The following ATF7IP variants were observed in gnomAD, a reference collection of about 807,000 sequenced individuals.
ATF7IP encodes the protein activating transcription factor 7 interacting protein, also known as activating transcription factor 7-interacting protein 1.
ATF7IP carries 23 observed loss-of-function variants against 106.4 expected under a neutral mutation model. The observed-to-expected ratio is 0.22, with a 90% CI of 0.16 to 0.31. The LOEUF (loss-of-function observed/expected upper bound fraction) is 0.31, where lower values mean the gene tolerates loss of function less well. Among genes scored for constraint, ATF7IP ranks in the 10% least tolerant of loss-of-function variants. The pLI is 1.00. For missense variants in ATF7IP, 1,334 were observed against 1,524.3 expected (o/e 0.88, Z 2.08); for synonymous variants, 542 against 539.0 (o/e 1.01, Z -0.08).
In ATF7IP at chr12:14,497,639, G is replaced by A. The variant is rs1343984645; in HGVS notation, c.3394-15G>A. On this transcript the variant is annotated splice_polypyrimidine_tract_variant and intron_variant, in intron 14 of 14. Transcript: ENST00000261168. ...TTTTGCAATCATCATTAATCAGTGT[G>A]ACCTGTTTCTTCAGGAGCCCCCACG... The A allele has an allele frequency of 1.2e-6, 2 of 1,606,512 alleles. No individual in the cohort carries two copies. Among genetic ancestry groups the A allele is most frequent in the Admixed American group, 1.7e-5 (1 of 59,366 alleles).
chr12:14,382,597 T>C (rs1198499983), intron 1 of ATF7IP, among the ~76,000 whole-genome samples: 4 of 152,186 alleles, frequency 2.6e-5, no homozygotes, highest in African/African-American at 7.2e-5. Context: ...GTTGACATAT[T>C]AGTTGACTTC....
rs1356164332 is a variant in ATF7IP at position 14,447,159 on chromosome 12, A to G, written c.1995+106A>G. On this transcript the variant is annotated intron_variant, in intron 6 of 14. Transcript: ENST00000261168. ...TATTACAAATCTGAAATTTGCTTTCATACTGTGTACTCCTCTATGTAATTT... is the reference window on the plus strand; with the variant it reads ...TATTACAAATCTGAAATTTGCTTTCGTACTGTGTACTCCTCTATGTAATTT... 3.5e-6 allele frequency: 3 copies of G among 851,622 alleles called. No homozygotes were observed. The Admixed American group carries it at 8.6e-5, about 24-fold the overall frequency. The allele number at this position is 851,622 out of a possible 1,614,324, so 52.8% of individuals were successfully genotyped here. A position where few individuals can be genotyped will look rare whatever the true frequency, so the allele number is the denominator to read the frequency against.
chr12:14,498,264 C>A lies in ATF7IP; in HGVS notation c.*191C>A. The A allele has an allele frequency of 1.8e-6, 1 of 554,482 alleles. No individual in the cohort carries two copies. Among genetic ancestry groups the A allele is most frequent in the Non-Finnish European group, 3.1e-6 (1 of 323,296 alleles). The allele number at this position is 554,482 out of a possible 1,614,324, so 34.3% of individuals were successfully genotyped here. On this transcript the variant is annotated 3_prime_UTR_variant, in exon 15 of 15. Coordinates refer to ENST00000261168, the MANE Select transcript of ATF7IP (RefSeq NM_018179.5). The stretch of plus-strand genomic sequence containing the variant: ...CACAAAGCTAGAATCTTTTCCTGGA[C>A]AGTTTAGGCTTTGGGGTTTGGAAAT...
intron 13 of ATF7IP, among the ~76,000 whole-genome samples, chr12:14,491,982 G>A (rs528781144): frequency 2.0e-5 from 3 of 152,336 alleles, no homozygotes; most frequent in Admixed American, 2.0e-4. Flanking sequence ...GTACCTCCAG[G>A]TATGGGATAT....
At chr12:14,481,448 A>C (rs943223789) in intron 13 of ATF7IP, 89 of 400,808 alleles carry the variant, frequency 2.2e-4, no homozygotes, top group South Asian at 2.1e-3. Context: ...ATGTGAGATC[A>C]TGCATATGTC....
intron 13 of ATF7IP, among the ~76,000 whole-genome samples, chr12:14,494,913 A>C (rs1944963132): frequency 6.9e-6 from 1 of 145,038 alleles, no homozygotes. Context: ...AGCCTGGGCA[A>C]CAGAGCCAGA....
At chr12:14,451,612 CTTG>C (rs1943205763) in intron 6 of ATF7IP, among the ~76,000 whole-genome samples, 1 of 149,756 alleles carries the variant, frequency 6.7e-6, no homozygotes, top group South Asian at 2.1e-4. Context: ...TCTTCTTTGA[CTTG>C]TTGGTTTTTT....
At chr12:14,487,686 T>C (rs1196446006) in intron 13 of ATF7IP, among the ~76,000 whole-genome samples, 1 of 152,192 alleles carries the variant, frequency 6.6e-6, no homozygotes, top group African/African-American at 2.4e-5. Flanking sequence ...TTGTGTCTGT[T>C]TTTCTACAAT....
chr12:14,423,142 A>G (rs1941624386), intron 1 of ATF7IP, among the ~76,000 whole-genome samples: 1 of 152,028 alleles, frequency 6.6e-6, no homozygotes, highest in African/African-American at 2.4e-5. Context: ...ATGTCTCATG[A>G]TGTTTATTGC....
intron 1 of ATF7IP, among the ~76,000 whole-genome samples, chr12:14,399,358 A>G (rs1169085348): frequency 6.6e-6 from 1 of 151,810 alleles, no homozygotes; most frequent in Non-Finnish European, 1.5e-5. Flanking sequence ...TTTAGCTTTC[A>G]GTATTGCTGA....
Position 14,460,596 on chromosome 12 carries a change from C to T in ATF7IP, c.2260C>T (p.Pro754Ser). The T allele has an allele frequency of 6.2e-7, 1 of 1,614,174 alleles. No homozygotes were observed. Among genetic ancestry groups the T allele is most frequent in the Non-Finnish European group, 8.5e-7 (1 of 1,180,030 alleles). ...SGSLTATSVLPAPNTATVVAT... is the reference protein window; with the variant it reads ...SGSLTATSVLSAPNTATVVAT... ...TTCCCTCACAGCAACGTCAGTTCTTCCTGCACCCAATACAGCTACTGTAGT... is the reference window on the plus strand; with the variant it reads ...TTCCCTCACAGCAACGTCAGTTCTTTCTGCACCCAATACAGCTACTGTAGT... The change falls in exon 9 of 15, where the codon CCT becomes TCT. Residue 754 changes from proline to serine, a missense_variant. By Grantham distance (74) the Pro-to-Ser change is moderately conservative. This residue lies in a region of ATF7IP where 171 missense variants were observed against 172.6 expected (regional missense o/e 0.99). Coordinates refer to ENST00000261168, the MANE Select transcript of ATF7IP (RefSeq NM_018179.5).
intron 1 of ATF7IP, among the ~76,000 whole-genome samples, chr12:14,374,358 C>T (rs1010404772): frequency 6.7e-6 from 1 of 149,332 alleles, no homozygotes; most frequent in Non-Finnish European, 1.5e-5. Context: ...AAGCAATCCT[C>T]CCCTCTTGGC....
intron 2 of ATF7IP, among the ~76,000 whole-genome samples, chr12:14,428,954 T>A (rs766768420): frequency 9.2e-5 from 14 of 152,224 alleles, no homozygotes; most frequent in Non-Finnish European, 1.2e-4. Flanking sequence ...AATGATAATC[T>A]GTTTAAAGAG....
At chr12:14,466,868 C>T (rs1037325427) in intron 10 of ATF7IP, among the ~76,000 whole-genome samples, 1 of 152,170 alleles carries the variant, frequency 6.6e-6, no homozygotes, top group South Asian at 2.1e-4. Flanking sequence ...AGTCATTTGC[C>T]TTTACATACT....
Position 14,378,104 on chromosome 12 carries a change from T to C in ATF7IP, c.-8+12277T>C, listed in dbSNP as rs1017125244. On this transcript the variant is annotated intron_variant, in intron 1 of 14. Transcript: ENST00000261168. ...ATATTCAGTATTTTTCTTTTTCTTTTTTTTTTTTTTTGAAATGGAATCTTG... is the reference window on the plus strand; with the variant it reads ...ATATTCAGTATTTTTCTTTTTCTTTCTTTTTTTTTTTGAAATGGAATCTTG... Among the ~76,000 whole-genome samples the C allele has an allele frequency of 1.3e-3, 191 of 148,092 alleles. 1 individual carries two copies. Among genetic ancestry groups the C allele is most frequent in the Admixed American group, 2.3e-3 (35 of 15,118 alleles).
At chr12:14,453,690 T>C (rs1015985192) in intron 6 of ATF7IP, among the ~76,000 whole-genome samples, 2 of 151,836 alleles carry the variant, frequency 1.3e-5, no homozygotes, top group Non-Finnish European at 2.9e-5. Context: ...AACGGCGCAA[T>C]CTCCACTCAC....
intron 1 of ATF7IP, among the ~76,000 whole-genome samples, chr12:14,372,433 G>C (rs1477950158): frequency 6.9e-6 from 1 of 144,032 alleles, no homozygotes; most frequent in Non-Finnish European, 1.5e-5. Flanking sequence ...TCTTTAAGAG[G>C]ATGACTCAGG....
chr12:14,433,416 A>G (rs1942238392), intron 2 of ATF7IP, among the ~76,000 whole-genome samples: 1 of 152,112 alleles, frequency 6.6e-6, no homozygotes, highest in African/African-American at 2.4e-5. Flanking sequence ...GAGGCAGGAG[A>G]ATTGCTTGAA....
chr12:14,466,351 G>A (rs956503103), intron 9 of ATF7IP, 175 bp from the exon 10 acceptor site: 2 of 614,732 alleles, frequency 3.3e-6, no homozygotes, highest in Non-Finnish European at 5.8e-6. Context: ...ATAGTAATCT[G>A]TATGGTATCT....
Sources: gnomAD v4.1 joint callset for allele counts (sites outside exome capture counted in the v4.1 genomes callset) on GRCh38, gnomAD v4.1.1 for gene constraint, gnomAD v4.1.1 regional missense constraint, MANE v1.5 for transcripts, NCBI Gene and HGNC (gene_info 2026-07-23, HGNC 2026-07-21) for gene names.